ZBTB20: variants seen among roughly 807,000 people sequenced by gnomAD.
ZBTB20 encodes zinc finger and BTB domain containing 20.
ZBTB20 carries 9 observed loss-of-function variants against 56.9 expected under a neutral mutation model. That is an observed-to-expected ratio of 0.16 (90% confidence interval 0.10 to 0.28). ZBTB20 has a LOEUF of 0.28. ZBTB20 is among the 10% of genes least tolerant of loss of function. The pLI, the probability that ZBTB20 is intolerant of heterozygous loss-of-function variation, is 1.00. For synonymous variants in ZBTB20, 417 were observed against 420.7 expected, an observed-to-expected ratio of 0.99 and a Z score of 0.11; for missense variants, 655 against 1,003.0, an observed-to-expected ratio of 0.65 and a Z score of 4.69.
At chr3:114,840,383 G>T (rs1296547742) in intron 4 of ZBTB20, among the ~76,000 whole-genome samples, 4 of 152,188 alleles carry the variant, frequency 2.6e-5, no homozygotes, top group Non-Finnish European at 5.9e-5. Flanking sequence ...GATTAATGTG[G>T]AAACTAGTTG....
intron 10 of ZBTB20, among the ~76,000 whole-genome samples, chr3:114,363,475 T>C (rs2082087087): frequency 6.6e-6 from 1 of 152,202 alleles, no homozygotes; most frequent in Non-Finnish European, 1.5e-5. Flanking sequence ...AAACCTGAAA[T>C]AATGTGAAAA....
intron 4 of ZBTB20, among the ~76,000 whole-genome samples, chr3:114,832,076 CA>C (rs748235620): frequency 7.9e-5 from 12 of 152,032 alleles, no homozygotes; most frequent in Non-Finnish European, 1.5e-4. Flanking sequence ...TCTGAAAAAA[CA>C]AAAGGTGTTG....
intron 6 of ZBTB20, among the ~76,000 whole-genome samples, chr3:114,580,575 T>C (rs956774422): frequency 1.3e-5 from 2 of 151,820 alleles, no homozygotes; most frequent in Non-Finnish European, 3.0e-5. Context: ...CTGACATACA[T>C]GTTGCTGTAG....
intron 10 of ZBTB20, among the ~76,000 whole-genome samples, chr3:114,371,215 G>A (rs2082965887): frequency 1.3e-5 from 2 of 152,178 alleles, no homozygotes; most frequent in South Asian, 2.1e-4. Flanking sequence ...ATGGAGCCAT[G>A]TCTAATAAAC....
At chr3:114,859,693 GTC>G (rs907352307) in intron 4 of ZBTB20, among the ~76,000 whole-genome samples, 3 of 150,620 alleles carry the variant, frequency 2.0e-5, no homozygotes, top group African/African-American at 7.3e-5. Flanking sequence ...AGCAAAGGCA[GTC>G]TTTTATAAAA....
intron 5 of ZBTB20, among the ~76,000 whole-genome samples, chr3:114,732,143 CA>C (rs1309630868): frequency 6.6e-6 from 1 of 152,126 alleles, no homozygotes; most frequent in Non-Finnish European, 1.5e-5. Context: ...GGACTAACAG[CA>C]AGTAGTTGCA....
chr3:114,644,229 T>C (rs1441935043), intron 6 of ZBTB20, among the ~76,000 whole-genome samples: 1 of 152,028 alleles, frequency 6.6e-6, no homozygotes, highest in African/African-American at 2.4e-5. Context: ...AGCACATGTA[T>C]GCAGAAAGAA....
At chr3:114,408,448 C>T (rs1177207864) in intron 7 of ZBTB20, among the ~76,000 whole-genome samples, 1 of 152,236 alleles carries the variant, frequency 6.6e-6, no homozygotes, top group East Asian at 1.9e-4. Context: ...CTTTGCCGGA[C>T]CTTTCCATAA....
At position 114,607,523 on chromosome 3, in the gene ZBTB20, G is replaced by A. The variant is rs568229303; in HGVS notation, c.-295+86005C>T. Among the ~76,000 whole-genome samples, 7 of 152,032 alleles carry A rather than the reference G, an allele frequency of 4.6e-5. No individual in the cohort carries two copies. In the South Asian group the frequency reaches 1.0e-3, roughly 23 times the overall value. ...TCTCCATGTTTGTCAGGCTGGTCTC[G>A]AACTCCCGACCTCAGGTGATCCACC... On this transcript the variant is annotated intron_variant, in intron 6 of 11. Transcript: ENST00000675478.
chr3:114,518,034 C>A (rs999291628), intron 6 of ZBTB20, among the ~76,000 whole-genome samples: 1 of 152,104 alleles, frequency 6.6e-6, no homozygotes, highest in Non-Finnish European at 1.5e-5. Context: ...TATCATATAT[C>A]CTCATAAGAA....
intron 1 of ZBTB20, among the ~76,000 whole-genome samples, chr3:115,139,469 C>T (rs536511155): frequency 1.2e-4 from 18 of 152,064 alleles, no homozygotes; most frequent in Admixed American, 2.0e-4. Context: ...CAGATTCTTT[C>T]CTAGTCAGAT....
intron 2 of ZBTB20, among the ~76,000 whole-genome samples, chr3:115,022,751 G>A (rs2080257431): frequency 6.6e-6 from 1 of 150,926 alleles, no homozygotes. Flanking sequence ...AATGATAAAA[G>A]CCATTTATCT....
chr3:114,429,574 G>A (rs2108877554), intron 7 of ZBTB20, among the ~76,000 whole-genome samples: 1 of 152,244 alleles, frequency 6.6e-6, no homozygotes, highest in East Asian at 1.9e-4. Context: ...TTGAGGATGG[G>A]GATGAAACTA....
intron 6 of ZBTB20, among the ~76,000 whole-genome samples, chr3:114,684,875 A>T (rs2062232058): frequency 6.6e-6 from 1 of 152,008 alleles, no homozygotes; most frequent in African/African-American, 2.4e-5. Context: ...GCAGGCCTTT[A>T]AAAAAAAGTC....
intron 1 of ZBTB20, among the ~76,000 whole-genome samples, chr3:115,079,379 C>T (rs200311354): frequency 6.7e-6 from 1 of 149,458 alleles, no homozygotes. Flanking sequence ...TCAAGTCTTT[C>T]TTATTTATTT....
chr3:115,070,481 T>C (rs769439883), intron 2 of ZBTB20, among the ~76,000 whole-genome samples: 4 of 152,066 alleles, frequency 2.6e-5, no homozygotes, highest in Non-Finnish European at 5.9e-5. Context: ...GAGTATTCTG[T>C]TGGCCAGAAG....
chr3:114,555,715 G>A (rs1339715959), intron 6 of ZBTB20, among the ~76,000 whole-genome samples: 2 of 152,116 alleles, frequency 1.3e-5, no homozygotes, highest in Non-Finnish European at 2.9e-5. Context: ...GAGGCCTTAT[G>A]AATGCCACTG....
chr3:114,581,957 T>A lies in ZBTB20; in HGVS notation c.-294-81566A>T, dbSNP rs1016220281. Among the ~76,000 whole-genome samples, 6 of 152,190 alleles carry A rather than the reference T, an allele frequency of 3.9e-5. No homozygotes were observed. The South Asian group carries it at 1.0e-3, about 26-fold the overall frequency. On this transcript the variant is annotated intron_variant, in intron 6 of 11. Coordinates refer to ENST00000675478, the MANE Select transcript of ZBTB20 (RefSeq NM_001348800.3). ...TGTTAACTGTGGTCTTGTTTGTGAT[T>A]GGGAAACAATTAAAATAATGTCCAA... is the stretch of plus-strand genomic sequence containing the variant.
chr3:114,777,933 A>C (rs2069733968), intron 5 of ZBTB20, among the ~76,000 whole-genome samples: 1 of 151,888 alleles, frequency 6.6e-6, no homozygotes, highest in South Asian at 2.1e-4. Context: ...TGATGAGTTC[A>C]TGTCCTTTGT....
Sources: gnomAD v4.1 joint callset for allele counts (sites outside exome capture counted in the v4.1 genomes callset) on GRCh38, gnomAD v4.1.1 for gene constraint, MANE v1.5 for transcripts, NCBI Gene and HGNC (gene_info 2026-07-23, HGNC 2026-07-21) for gene names.